Variants in RBFOX1 observed in about 807,000 individuals in gnomAD.
RBFOX1 encodes RNA binding fox-1 homolog 1.
RBFOX1 carries 8 observed loss-of-function variants against 57.7 expected under a neutral mutation model. The ratio of observed to expected loss-of-function variants is 0.14; its 90% CI spans 0.08 to 0.25. The LOEUF (loss-of-function observed/expected upper bound fraction) is 0.25. RBFOX1 is among the 10% of genes least tolerant of loss of function. The pLI is 1.00. For synonymous variants in RBFOX1, 326 were observed against 222.4 expected, an observed-to-expected ratio of 1.47 and a Z score of -4.15; for missense variants, 611 against 548.5, an observed-to-expected ratio of 1.11 and a Z score of -1.14.
chr16:6,011,407 A>G lies in RBFOX1; in HGVS notation c.351+144072A>G, dbSNP rs1179468274. ...TTATTGGCCTTTGGATCCCCTATAC[A>G]TAAACAGAGGTTTTGGGTATATCAG... On this transcript the variant is annotated intron_variant, in intron 4 of 19. Transcript: ENST00000641259. Among the ~76,000 whole-genome samples, 4 of 152,138 alleles carry G rather than the reference A, an allele frequency of 2.6e-5. No individual in the cohort carries two copies. The South Asian group carries it at 6.2e-4, about 24-fold the overall frequency.
At position 6,747,060 on chromosome 16, in the gene RBFOX1, C is replaced by G. The variant is rs201821635; in HGVS notation, c.-16+92410C>G. Among the ~76,000 whole-genome samples the G allele has an allele frequency of 3.7e-4, 57 of 152,212 alleles. 1 individual carries two copies. In the East Asian group the frequency reaches 5.0e-3, roughly 13 times the overall value. The stretch of plus-strand genomic sequence containing the variant: ...AAGTCCTAGCAGACCTCTGCAGAAC[C>G]CCTCACGGTACCATAGCAGGTCCCT... On this transcript the variant is annotated intron_variant, in intron 3 of 15. Transcript: ENST00000550418.
intron 1 of RBFOX1, among the ~76,000 whole-genome samples, chr16:6,310,087 C>A (rs983303097): frequency 6.6e-6 from 1 of 152,094 alleles, no homozygotes; most frequent in Non-Finnish European, 1.5e-5. Flanking sequence ...GGGGTTTCAC[C>A]ATATTGGTCA....
chr16:7,247,854 C>G (rs563135664), intron 4 of RBFOX1, among the ~76,000 whole-genome samples: 58 of 152,112 alleles, frequency 3.8e-4, no homozygotes, highest in African/African-American at 1.4e-3. Flanking sequence ...CTCATGGACC[C>G]ATAGAGGGGA....
At chr16:7,231,109 G>T (rs1446085114) in intron 4 of RBFOX1, among the ~76,000 whole-genome samples, 3 of 152,156 alleles carry the variant, frequency 2.0e-5, no homozygotes, top group Non-Finnish European at 4.4e-5. Flanking sequence ...GGTAAGATAA[G>T]TATGGTTGTT....
rs908108707 is a variant in RBFOX1 at position 6,076,365 on chromosome 16, A to G, written c.-127+56373A>G. On this transcript the variant is annotated intron_variant, in intron 1 of 15. Coordinates refer to ENST00000550418, the MANE Select transcript of RBFOX1 (RefSeq NM_018723.4). The stretch of plus-strand genomic sequence containing the variant: ...ACACACATACACACACACACACCCC[A>G]CCTCTTTGGGTTACATATGCTTTTT... 2.0e-5 allele frequency among the ~76,000 whole-genome samples: 3 copies of G among 150,620 alleles called. No homozygotes were observed. In the South Asian group the frequency reaches 6.3e-4, roughly 32 times the overall value.
intron 3 of RBFOX1, among the ~76,000 whole-genome samples, chr16:6,728,708 G>A (rs770454259): frequency 9.2e-5 from 14 of 152,198 alleles, no homozygotes; most frequent in South Asian, 6.2e-4. Context: ...TCAATCAGAG[G>A]CATTTTATAT....
intron 4 of RBFOX1, among the ~76,000 whole-genome samples, chr16:7,310,805 G>A (rs1384003137): frequency 6.6e-6 from 1 of 152,164 alleles, no homozygotes; most frequent in Non-Finnish European, 1.5e-5. Flanking sequence ...CCATGTTGAT[G>A]GAACTCCTGA....
intron 4 of RBFOX1, among the ~76,000 whole-genome samples, chr16:7,149,935 G>A (rs191514553): frequency 2.6e-5 from 4 of 152,200 alleles, no homozygotes; most frequent in African/African-American, 9.6e-5. Flanking sequence ...CTTGTTATTT[G>A]CAAAATATGC....
intron 1 of RBFOX1, among the ~76,000 whole-genome samples, chr16:5,349,968 C>G (rs2065227253): frequency 1.3e-5 from 2 of 152,218 alleles, no homozygotes; most frequent in African/African-American, 4.8e-5. Context: ...TATAATTACC[C>G]AGGCTAATTA....
intron 2 of RBFOX1, among the ~76,000 whole-genome samples, chr16:6,384,023 C>G (rs982347051): frequency 6.7e-6 from 1 of 148,332 alleles, no homozygotes. Context: ...TGAAATGTTT[C>G]TGTTTCACCA....
chr16:7,703,223 T>C (rs1045830198), intron 14 of RBFOX1, among the ~76,000 whole-genome samples: 1 of 152,230 alleles, frequency 6.6e-6, no homozygotes, highest in Non-Finnish European at 1.5e-5. Context: ...GGAGGCACTG[T>C]AGTCCCTAAT....
chr16:5,513,845 C>T (rs2043693090), intron 2 of RBFOX1, among the ~76,000 whole-genome samples: 1 of 151,866 alleles, frequency 6.6e-6, no homozygotes, highest in Non-Finnish European at 1.5e-5. Flanking sequence ...AATAATGTGA[C>T]ATAAGTGAGT....
At chr16:5,371,119 T>A (rs2065847176) in intron 1 of RBFOX1, among the ~76,000 whole-genome samples, 1 of 152,172 alleles carries the variant, frequency 6.6e-6, no homozygotes. Context: ...GGCTAATTTT[T>A]GTATTTTTAG....
At chr16:6,696,441 G>A (rs2061062246) in intron 3 of RBFOX1, among the ~76,000 whole-genome samples, 1 of 152,072 alleles carries the variant, frequency 6.6e-6, no homozygotes, top group Non-Finnish European at 1.5e-5. Context: ...CATCCCCTCT[G>A]AAATAAATAT....
At chr16:7,535,140 A>G (rs1507016) in intron 5 of RBFOX1, among the ~76,000 whole-genome samples, 25,795 of 152,082 alleles carry the variant, frequency 0.17, 2,804 homozygotes, top group East Asian at 0.35. Context: ...ATGCTATGAA[A>G]TCTCCTTAAA....
intron 3 of RBFOX1, among the ~76,000 whole-genome samples, chr16:6,968,468 A>C (rs566900102): frequency 6.6e-6 from 1 of 152,266 alleles, no homozygotes; most frequent in South Asian, 2.1e-4. Flanking sequence ...TCCGGACCGA[A>C]AAACTGAGGC....
chr16:5,467,197 T>TC (rs60828774), intron 1 of RBFOX1: 41,376 of 570,758 alleles, frequency 0.072, 187 homozygotes, highest in African/African-American at 0.13. Flanking sequence ...TCTCTCTCTC[T>TC]TTTTTTTTTT....
chr16:7,343,095 A>C (rs2096928864), intron 4 of RBFOX1, among the ~76,000 whole-genome samples: 1 of 152,270 alleles, frequency 6.6e-6, no homozygotes, highest in African/African-American at 2.4e-5. Flanking sequence ...TTCTGGGGAC[A>C]GACTCTTTAG....
intron 4 of RBFOX1, among the ~76,000 whole-genome samples, chr16:7,180,681 C>T (rs143271497): frequency 7.3e-4 from 109 of 150,074 alleles, no homozygotes; most frequent in African/African-American, 2.7e-3. Context: ...CTCTGCACTC[C>T]CCTGCTCCAT....
Sources: allele counts gnomAD v4.1 joint callset (sites outside exome capture counted in the v4.1 genomes callset), GRCh38; gene constraint gnomAD v4.1.1; transcripts MANE v1.5; gene names NCBI Gene and HGNC (gene_info 2026-07-23, HGNC 2026-07-21).